The following GIMAP8 variants were observed in gnomAD, a reference collection of about 807,000 sequenced individuals.
GIMAP8 encodes GTPase IMAP family member 8.
GIMAP8 carries 29 observed loss-of-function variants against 35.6 expected under a neutral mutation model. The ratio of observed to expected loss-of-function variants is 0.81; its 90% CI spans 0.61 to 1.11. The LOEUF (loss-of-function observed/expected upper bound fraction) is 1.11. GIMAP8 is among the 50% of genes most tolerant of loss of function. The pLI is 0.00. For synonymous variants in GIMAP8, 335 were observed against 308.7 expected (o/e 1.09, Z -0.89); for missense variants, 811 against 805.0 (o/e 1.01, Z -0.09).
intron 2 of GIMAP8, among the ~76,000 whole-genome samples, chr7:150,468,108 G>A (rs180882381): frequency 6.6e-6 from 1 of 152,226 alleles, no homozygotes; most frequent in Non-Finnish European, 1.5e-5. Flanking sequence ...ATCAGGTCTT[G>A]CGGGATCAAT....
chr7:150,453,110 A>C (rs1801654745), intron 1 of GIMAP8, among the ~76,000 whole-genome samples: 1 of 151,954 alleles, frequency 6.6e-6, no homozygotes, highest in African/African-American at 2.4e-5. Flanking sequence ...ACATTTAAAA[A>C]TAAAATTAAT....
chr7:150,464,674 C>T (rs1184109908), intron 1 of GIMAP8, among the ~76,000 whole-genome samples: 4 of 151,990 alleles, frequency 2.6e-5, no homozygotes, highest in Non-Finnish European at 5.9e-5. Context: ...CAGAGAGAGA[C>T]CTTGTCTCTA....
intron 1 of GIMAP8, among the ~76,000 whole-genome samples, chr7:150,454,192 G>A (rs1028812988): frequency 6.6e-6 from 1 of 151,958 alleles, no homozygotes; most frequent in Non-Finnish European, 1.5e-5. Flanking sequence ...AGAGCAGCTG[G>A]GCACAAGGTA....
intron 1 of GIMAP8, among the ~76,000 whole-genome samples, chr7:150,465,454 C>T (rs942452969): frequency 7.9e-5 from 12 of 152,084 alleles, no homozygotes; most frequent in African/African-American, 2.2e-4. Flanking sequence ...TTTTTTTCCT[C>T]GCAGCGACAG....
At chr7:150,465,316 C>G (rs1264090851) in intron 1 of GIMAP8, among the ~76,000 whole-genome samples, 2 of 152,142 alleles carry the variant, frequency 1.3e-5, no homozygotes, top group African/African-American at 2.4e-5. Flanking sequence ...TCATGGCCAG[C>G]TTTGCAGTCT....
chr7:150,467,364 C>T, intron 2 of GIMAP8, 30 bp downstream of exon 2: 2 of 1,575,102 alleles, frequency 1.3e-6, no homozygotes, highest in Non-Finnish European at 1.7e-6. Flanking sequence ...CTTGAAAGAT[C>T]TCTATGTTGC....
Position 150,467,026 on chromosome 7 carries a change from G to A in GIMAP8, c.328G>A (p.Asp110Asn), listed in dbSNP as rs1186348428. The A allele has an allele frequency of 2.5e-6, 4 of 1,614,210 alleles. No individual in the cohort carries two copies. The highest frequency in any genetic ancestry group is 3.3e-4 in the Middle Eastern group (2 of 6,062). ...VIAIGHFTRE[D>N]EETAKGIQQV... is the part of the protein sequence containing the mutation. ...TGCCATCGGCCATTTCACAAGGGAG[G>A]ATGAGGAAACAGCCAAGGGCATCCA... The change falls in exon 2 of 5, where the codon GAT becomes AAT. Residue 110 changes from aspartate (D) to asparagine (N), a missense_variant. Transcript: ENST00000307271.
Position 150,451,900 on chromosome 7 carries a change from C to T in GIMAP8, c.-29+725C>T, listed in dbSNP as rs1801616181. 6.6e-6 allele frequency among the ~76,000 whole-genome samples: 1 copy of T among 152,190 alleles called. No individual in the cohort carries two copies. Among genetic ancestry groups the T allele is most frequent in the Non-Finnish European group, 1.5e-5 (1 of 68,024 alleles). On this transcript the variant is annotated intron_variant, in intron 1 of 4. Coordinates refer to ENST00000307271, the MANE Select transcript of GIMAP8 (RefSeq NM_175571.4). The surrounding 1 kb of genome is among the most constrained non-coding windows in gnomAD (Gnocchi z 4.1). ...CCTCTTCCCTTCCTCTTGATGGTTGCCCTGCTGGGCTGGGTCTAAGGTCTT... is the reference window on the plus strand; with the variant it reads ...CCTCTTCCCTTCCTCTTGATGGTTGTCCTGCTGGGCTGGGTCTAAGGTCTT...
chr7:150,452,709 T>TATATATATAC (rs1373884339), intron 1 of GIMAP8, among the ~76,000 whole-genome samples: 2,715 of 106,028 alleles, frequency 0.026, 53 homozygotes, highest in East Asian at 0.058. Context: ...TATATATATA[T>TATATATATAC]ACATGCGAGT....
At chr7:150,462,052 T>A (rs899602463) in intron 1 of GIMAP8, among the ~76,000 whole-genome samples, 3 of 152,096 alleles carry the variant, frequency 2.0e-5, no homozygotes, top group African/African-American at 7.2e-5. Flanking sequence ...AGGGGGTGGA[T>A]CTCACAAAGT....
At position 150,457,964 on chromosome 7, in the gene GIMAP8, C is replaced by T. The variant is rs559009344; in HGVS notation, c.-29+6789C>T. ...TGCTCCTTCCCCAACAGGCCCTGGCCTTTGAACTTGCTGCTCCCTCTGCCT... is the reference window on the plus strand; with the variant it reads ...TGCTCCTTCCCCAACAGGCCCTGGCTTTTGAACTTGCTGCTCCCTCTGCCT... On this transcript the variant is annotated intron_variant, in intron 1 of 4. Coordinates refer to ENST00000307271, the MANE Select transcript of GIMAP8 (RefSeq NM_175571.4). 5.3e-4 allele frequency among the ~76,000 whole-genome samples: 80 copies of T among 152,312 alleles called. 2 individuals carry two copies. The highest frequency in any genetic ancestry group is 4.8e-3 in the Admixed American group (73 of 15,306).
At chr7:150,473,149 G>T (rs1253507409) in intron 3 of GIMAP8, among the ~76,000 whole-genome samples, 1 of 152,144 alleles carries the variant, frequency 6.6e-6, no homozygotes, top group East Asian at 1.9e-4. Context: ...CTCAGCCTCA[G>T]AGAAAGCTCC....
chr7:150,462,962 A>G (rs1210973847), intron 1 of GIMAP8, among the ~76,000 whole-genome samples: 1 of 151,910 alleles, frequency 6.6e-6, no homozygotes, highest in Non-Finnish European at 1.5e-5. Flanking sequence ...TCTTTCTGGA[A>G]CTCTCAAAAT....
chr7:150,477,090 A>G lies in GIMAP8; in HGVS notation c.1310-2A>G. On this transcript the variant is annotated splice_acceptor_variant, in intron 4 of 4. Coordinates refer to ENST00000307271, the MANE Select transcript of GIMAP8 (RefSeq NM_175571.4). LOFTEE classifies it high-confidence loss of function. ...CGAATCTTTCCCACTTTCCTTTGAC[A>G]GAAACCCTGAACATTGTCCTTGTGG... The G allele has an allele frequency of 6.3e-7, 1 of 1,593,664 alleles. No homozygotes were observed. Among genetic ancestry groups the G allele is most frequent in the Non-Finnish European group, 8.6e-7 (1 of 1,163,584 alleles).
chr7:150,477,844 C>A lies in GIMAP8; in HGVS notation c.*64C>A. The A allele has an allele frequency of 7.5e-7, 1 of 1,337,890 alleles. No individual in the cohort carries two copies. Among genetic ancestry groups the A allele is most frequent in the Non-Finnish European group, 1.0e-6 (1 of 961,642 alleles). 82.9% of individuals were successfully genotyped at this position (1,337,890 alleles called of 1,614,324 possible). A position where few individuals can be genotyped will look rare whatever the true frequency, so the allele number is the denominator to read the frequency against. The stretch of plus-strand genomic sequence containing the variant: ...CCTCAGGTTGGGGGGAGGGGCGGGG[C>A]ATGGTACAACCTGTGGGAAGGGAAG... On this transcript the variant is annotated 3_prime_UTR_variant, in exon 5 of 5. Transcript: ENST00000307271.
chr7:150,473,446 A>G (rs1802139266), intron 3 of GIMAP8, among the ~76,000 whole-genome samples: 1 of 150,456 alleles, frequency 6.6e-6, no homozygotes, highest in African/African-American at 2.5e-5. Context: ...CACTATCCAG[A>G]TTTCTATCAA....
Position 150,474,618 on chromosome 7 carries a change from A to G in GIMAP8, c.1289A>G (p.His430Arg). 1 of 1,595,728 alleles carries G rather than the reference A, an allele frequency of 6.3e-7. No homozygotes were observed. The highest frequency in any genetic ancestry group is 8.5e-7 in the Non-Finnish European group (1 of 1,174,042). Residue 430 changes from histidine (H) to arginine (R), a missense_variant, in exon 4 of 5, where the codon CAT becomes CGT. Physicochemically the swap from His to Arg is conservative, Grantham distance 29. Transcript: ENST00000307271. ...ESMVHQNGNK[H>R]CVFREKETLN... is the part of the protein sequence containing the mutation. ...ATGGTGCATCAGAATGGGAACAAGC[A>G]TTGTGTTTTCAGAGAAAAAGGTAAA... is the stretch of plus-strand genomic sequence containing the variant.
intron 1 of GIMAP8, among the ~76,000 whole-genome samples, chr7:150,464,541 G>T (rs1413554327): frequency 1.3e-5 from 2 of 151,990 alleles, no homozygotes; most frequent in East Asian, 3.9e-4. Context: ...AAAATTAGTT[G>T]GGCATGGTGG....
chr7:150,464,683 T>C (rs901389786), intron 1 of GIMAP8, among the ~76,000 whole-genome samples: 21 of 152,074 alleles, frequency 1.4e-4, no homozygotes, highest in African/African-American at 5.1e-4. Flanking sequence ...ACCTTGTCTC[T>C]AAAACAGAAA....
Sources: allele counts gnomAD v4.1 joint callset (sites outside exome capture counted in the v4.1 genomes callset), GRCh38; gene constraint gnomAD v4.1.1; non-coding constraint Gnocchi (gnomAD v3.1); transcripts MANE v1.5; gene names NCBI Gene and HGNC (gene_info 2026-07-23, HGNC 2026-07-21).